Variants in STPG4 observed in about 807,000 individuals in gnomAD.
The protein encoded by STPG4 is protein STPG4.
STPG4 carries 41 observed loss-of-function variants against 31.5 expected under a neutral mutation model. That is an observed-to-expected ratio of 1.30 (90% confidence interval 1.01 to 1.69). The LOEUF is 1.69. STPG4 is among the 40% of genes most tolerant of loss of function. STPG4 has a pLI of 0.00. For missense variants in STPG4, 375 were observed against 293.4 expected (o/e 1.28, Z -2.03); for synonymous variants, 141 against 103.0 (o/e 1.37, Z -2.24).
intron 5 of STPG4, among the ~76,000 whole-genome samples, chr2:47,102,888 G>A (rs13013767): frequency 0.025 from 3,831 of 151,862 alleles, 99 homozygotes; most frequent in African/African-American, 0.045. Flanking sequence ...TAGATCCTAT[G>A]TACCTATCAG....
At chr2:47,132,399 A>G (rs1686503935) in intron 3 of STPG4, among the ~76,000 whole-genome samples, 1 of 152,156 alleles carries the variant, frequency 6.6e-6, no homozygotes, top group South Asian at 2.1e-4. Flanking sequence ...ACCTCCCAGC[A>G]CTCGCTGGCA....
Position 47,151,333 on chromosome 2 carries a change from T to C in STPG4, c.324A>G (p.Leu108=), listed in dbSNP as rs1193145086. 6.2e-7 allele frequency: 1 copy of C among 1,614,186 alleles called. No individual in the cohort carries two copies. The highest frequency in any genetic ancestry group is 8.5e-7 in the Non-Finnish European group (1 of 1,180,012). The change falls in exon 3 of 7, where the codon TTA becomes TTG. Residue 108 remains leucine (L), a synonymous_variant. Transcript: ENST00000445927. The part of the protein sequence containing the change: ...QYMPPDFLDL[L]KKQVATYSFK... ...ATGAGTAAGTAGCCACTTGCTTCTT[T>C]AACAGGTCCAGGAAGTCAGGAGGCA...
intron 3 of STPG4, among the ~76,000 whole-genome samples, chr2:47,132,315 A>G (rs1210577744): frequency 1.3e-5 from 2 of 152,130 alleles, no homozygotes; most frequent in African/African-American, 4.8e-5. Flanking sequence ...CCTGAAGTGA[A>G]TAATCCCCTC....
chr2:47,097,390 C>G (rs1401654005), intron 5 of STPG4, among the ~76,000 whole-genome samples: 1 of 152,110 alleles, frequency 6.6e-6, no homozygotes, highest in Non-Finnish European at 1.5e-5. Context: ...TGATGTCCCC[C>G]CAAAATTCGT....
chr2:47,091,688 G>C lies in STPG4; in HGVS notation c.520-1314C>G, dbSNP rs757224884. Among the ~76,000 whole-genome samples the C allele has an allele frequency of 5.9e-5, 9 of 152,016 alleles. No homozygotes were observed. The South Asian group carries it at 1.9e-3, about 32-fold the overall frequency. On this transcript the variant is annotated intron_variant, in intron 5 of 6. Transcript: ENST00000445927. ...TTGAACATTGTTGAATTGTTGACTA[G>C]GTATATGAGGTTTCAATACAGTATT...
chr2:47,127,029 C>T (rs1211575732), intron 5 of STPG4, among the ~76,000 whole-genome samples: 3 of 151,896 alleles, frequency 2.0e-5, no homozygotes, highest in Admixed American at 6.6e-5. Context: ...CTATAACCTT[C>T]TTGTACTTCA....
chr2:47,088,530 G>A (rs942025310), intron 6 of STPG4, among the ~76,000 whole-genome samples: 13 of 152,222 alleles, frequency 8.5e-5, no homozygotes, highest in African/African-American at 3.1e-4. Context: ...AAACGGGGCA[G>A]AGTACCTGCC....
At chr2:47,098,970 G>A (rs1490822883) in intron 5 of STPG4, among the ~76,000 whole-genome samples, 12 of 152,194 alleles carry the variant, frequency 7.9e-5, no homozygotes, top group African/African-American at 2.4e-5. Flanking sequence ...AAGCAAACCT[G>A]TTAGGGGCCA....
chr2:47,142,885 G>A (rs888148243), intron 3 of STPG4, among the ~76,000 whole-genome samples: 8 of 114,838 alleles, frequency 7.0e-5, no homozygotes, highest in South Asian at 2.8e-4. Flanking sequence ...CTCTTGTTGC[G>A]CAGGCTGGAG....
chr2:47,096,699 A>C (rs1685676659), intron 5 of STPG4, among the ~76,000 whole-genome samples: 1 of 152,228 alleles, frequency 6.6e-6, no homozygotes, highest in Non-Finnish European at 1.5e-5. Flanking sequence ...ACAAATATTC[A>C]CTGAAACCTG....
At chr2:47,102,151 C>G (rs6707110) in intron 5 of STPG4, among the ~76,000 whole-genome samples, 1 of 142,008 alleles carries the variant, frequency 7.0e-6, no homozygotes, top group Non-Finnish European at 1.6e-5. Flanking sequence ...GTCCGGGGAC[C>G]GTTGCAGGTT....
intron 3 of STPG4, among the ~76,000 whole-genome samples, chr2:47,150,852 T>C (rs1181736462): frequency 2.6e-5 from 4 of 152,018 alleles, no homozygotes; most frequent in African/African-American, 9.7e-5. Context: ...TTCCCTGTGG[T>C]ATGTAGTTAT....
chr2:47,088,928 C>T (rs1685513502), intron 6 of STPG4, among the ~76,000 whole-genome samples: 1 of 152,218 alleles, frequency 6.6e-6, no homozygotes, highest in Non-Finnish European at 1.5e-5. Context: ...AGGGGGCCTG[C>T]ATCTCACAAG....
At chr2:47,101,167 G>C (rs13004982) in intron 5 of STPG4, among the ~76,000 whole-genome samples, 8,354 of 151,804 alleles carry the variant, frequency 0.055, 422 homozygotes, top group African/African-American at 0.11. Flanking sequence ...GCACCTGTCA[G>C]CCAGCTAAAA....
rs546686211 is a variant in STPG4 at position 47,153,858 on chromosome 2, A to G, written c.82-842T>C. 4.8e-4 allele frequency among the ~76,000 whole-genome samples: 73 copies of G among 152,336 alleles called. 1 individual carries two copies. Among genetic ancestry groups the G allele is most frequent in the African/African-American group, 1.7e-3 (71 of 41,576 alleles). ...TTAATAAATGGTAGCTTTAATTTTTAACATCCCATTTGCCAAGTTAAGAAG... is the reference window on the plus strand; with the variant it reads ...TTAATAAATGGTAGCTTTAATTTTTGACATCCCATTTGCCAAGTTAAGAAG... On this transcript the variant is annotated intron_variant, in intron 1 of 6. Transcript: ENST00000445927.
intron 5 of STPG4, among the ~76,000 whole-genome samples, chr2:47,096,088 T>A (rs1685664328): frequency 6.6e-6 from 1 of 152,200 alleles, no homozygotes; most frequent in Non-Finnish European, 1.5e-5. Context: ...AACATTGTTA[T>A]TTAAGGTCTG....
chr2:47,154,290 G>C (rs898418399), intron 1 of STPG4, among the ~76,000 whole-genome samples: 2 of 152,080 alleles, frequency 1.3e-5, no homozygotes, highest in African/African-American at 4.8e-5. Context: ...ACTTCTTCGC[G>C]AGATTTATGT....
chr2:47,135,109 T>C (rs1686570540), intron 3 of STPG4, among the ~76,000 whole-genome samples: 1 of 152,212 alleles, frequency 6.6e-6, no homozygotes, highest in Admixed American at 6.5e-5. Context: ...TTCTCAGATA[T>C]ATCTTTTGCA....
At chr2:47,139,407 A>AAT (rs1553428761) in intron 3 of STPG4, among the ~76,000 whole-genome samples, 1 of 147,310 alleles carries the variant, frequency 6.8e-6, no homozygotes, top group African/African-American at 2.5e-5. Flanking sequence ...CTCCTGCTTT[A>AAT]TTTTTTTTTT....
Sources: gnomAD v4.1 joint callset for allele counts (sites outside exome capture counted in the v4.1 genomes callset) on GRCh38, gnomAD v4.1.1 for gene constraint, MANE v1.5 for transcripts, NCBI Gene and HGNC (gene_info 2026-07-23, HGNC 2026-07-21) for gene names.